The following CNTNAP2 variants were observed in gnomAD, a reference collection of about 807,000 sequenced individuals.
The protein encoded by CNTNAP2 is contactin associated protein 2.
A neutral mutation model predicts 155.2 loss-of-function variants in CNTNAP2; 98 were observed. That is an observed-to-expected ratio of 0.63 (90% CI 0.54 to 0.75). CNTNAP2 has a LOEUF of 0.75. Among genes scored for constraint, CNTNAP2 ranks in the 30% least tolerant of loss-of-function variants. CNTNAP2 has a pLI of 0.00. For synonymous variants in CNTNAP2, 651 were observed against 631.2 expected (o/e 1.03, Z -0.47); for missense variants, 1,727 against 1,688.1 (o/e 1.02, Z -0.40).
At chr7:147,029,789 A>G (rs1027407317) in intron 3 of CNTNAP2, among the ~76,000 whole-genome samples, 12 of 152,170 alleles carry the variant, frequency 7.9e-5, no homozygotes, top group Non-Finnish European at 2.9e-5. Flanking sequence ...CATGGCATAA[A>G]TTTATCCAAC....
chr7:148,337,149 C>T (rs1294779871), intron 21 of CNTNAP2, among the ~76,000 whole-genome samples: 1 of 152,058 alleles, frequency 6.6e-6, no homozygotes, highest in Non-Finnish European at 1.5e-5. Flanking sequence ...CTTCACATTT[C>T]CCCCCATTCC....
At chr7:146,927,654 G>A (rs1463001511) in intron 3 of CNTNAP2, among the ~76,000 whole-genome samples, 2 of 151,786 alleles carry the variant, frequency 1.3e-5, no homozygotes, top group Non-Finnish European at 2.9e-5. Flanking sequence ...ACATTTCTAT[G>A]ACATTTTTAA....
chr7:146,140,524 T>G (rs543382087), intron 1 of CNTNAP2, among the ~76,000 whole-genome samples: 1 of 152,284 alleles, frequency 6.6e-6, no homozygotes, highest in South Asian at 2.1e-4. Context: ...TTCTCATATA[T>G]TAATTCTCAT....
intron 8 of CNTNAP2, among the ~76,000 whole-genome samples, chr7:147,250,732 C>T (rs112018831): frequency 1.3e-5 from 2 of 152,208 alleles, no homozygotes; most frequent in African/African-American, 4.8e-5. Flanking sequence ...CAATGTGGCT[C>T]CTTGTATCAT....
chr7:148,368,566 T>G (rs556309029), intron 21 of CNTNAP2, among the ~76,000 whole-genome samples: 1 of 152,180 alleles, frequency 6.6e-6, no homozygotes, highest in African/African-American at 2.4e-5. Flanking sequence ...GTACCAGCCA[T>G]AGCAAGGTGC....
intron 17 of CNTNAP2, among the ~76,000 whole-genome samples, chr7:148,155,452 A>G (rs1805380986): frequency 1.3e-5 from 2 of 152,094 alleles, no homozygotes; most frequent in African/African-American, 4.8e-5. Flanking sequence ...ACAATGGGAA[A>G]GTTTTTACAA....
intron 12 of CNTNAP2, among the ~76,000 whole-genome samples, chr7:147,576,460 T>G (rs1399418201): frequency 6.6e-6 from 1 of 152,120 alleles, no homozygotes; most frequent in Non-Finnish European, 1.5e-5. Context: ...TGTCCTTGTA[T>G]GGCTGTTTTT....
At chr7:146,663,353 T>C (rs1800129926) in intron 1 of CNTNAP2, among the ~76,000 whole-genome samples, 1 of 151,548 alleles carries the variant, frequency 6.6e-6, no homozygotes, top group Non-Finnish European at 1.5e-5. Context: ...GAGTCCTCCT[T>C]AGTTGTTTCA....
intron 4 of CNTNAP2, among the ~76,000 whole-genome samples, chr7:147,055,067 G>T (rs1404694875): frequency 1.3e-5 from 2 of 152,092 alleles, no homozygotes; most frequent in Non-Finnish European, 2.9e-5. Context: ...AAGAATTAAA[G>T]AAAGCATTCA....
intron 21 of CNTNAP2, among the ~76,000 whole-genome samples, chr7:148,300,842 T>G (rs1374724666): frequency 6.6e-6 from 1 of 152,102 alleles, no homozygotes. Flanking sequence ...GAAAGTCAGA[T>G]GGTGACTGCC....
At chr7:148,145,706 A>G (rs78120618) in intron 16 of CNTNAP2, among the ~76,000 whole-genome samples, 3,656 of 152,322 alleles carry the variant, frequency 0.024, 58 homozygotes, top group Middle Eastern at 0.048. Flanking sequence ...CTGCTGTATC[A>G]GAACTACAGA....
chr7:148,382,355 G>A (rs569594096), intron 21 of CNTNAP2, among the ~76,000 whole-genome samples: 170 of 152,338 alleles, frequency 1.1e-3, no homozygotes, highest in African/African-American at 4.0e-3. Flanking sequence ...TTTAAGAAGT[G>A]TAGACTCCAT....
intron 15 of CNTNAP2, among the ~76,000 whole-genome samples, chr7:147,982,462 G>A (rs1230884772): frequency 6.6e-6 from 1 of 152,170 alleles, no homozygotes; most frequent in Non-Finnish European, 1.5e-5. Context: ...TGCAAATTCA[G>A]TTTCTCAGAG....
chr7:147,128,994 T>C (rs183868390), intron 7 of CNTNAP2, among the ~76,000 whole-genome samples, 158 bp downstream of exon 7: 1 of 152,332 alleles, frequency 6.6e-6, no homozygotes, highest in East Asian at 1.9e-4. Flanking sequence ...AGAATTAGTA[T>C]AGATACTTGC....
intron 8 of CNTNAP2, among the ~76,000 whole-genome samples, chr7:147,140,183 G>A (rs1246626061): frequency 1.3e-5 from 2 of 151,900 alleles, no homozygotes; most frequent in African/African-American, 4.8e-5. Flanking sequence ...AGATACTGAT[G>A]ACCTGCCTAG....
chr7:147,840,657 A>C (rs1798713361), intron 13 of CNTNAP2, among the ~76,000 whole-genome samples: 1 of 152,228 alleles, frequency 6.6e-6, no homozygotes, highest in African/African-American at 2.4e-5. Flanking sequence ...CACTCTGGTC[A>C]CAGTGGAAAG....
intron 1 of CNTNAP2, among the ~76,000 whole-genome samples, chr7:146,680,843 G>A (rs1032268938): frequency 1.3e-5 from 2 of 152,176 alleles, no homozygotes; most frequent in Non-Finnish European, 2.9e-5. Context: ...AGTGACACAA[G>A]CAAAGGCATT....
chr7:147,301,962 T>C (rs1195356966), intron 9 of CNTNAP2, among the ~76,000 whole-genome samples: 1 of 152,122 alleles, frequency 6.6e-6, no homozygotes, highest in Non-Finnish European at 1.5e-5. Context: ...AATCATGAAC[T>C]AGGGCTCTGC....
intron 13 of CNTNAP2, among the ~76,000 whole-genome samples, chr7:147,825,632 G>C (rs1025164394): frequency 6.6e-6 from 1 of 152,080 alleles, no homozygotes; most frequent in African/African-American, 2.4e-5. Flanking sequence ...ACCTGCACTC[G>C]CTGTCTGCAA....
Sources: gnomAD v4.1 joint callset for allele counts (sites outside exome capture counted in the v4.1 genomes callset) on GRCh38, gnomAD v4.1.1 for gene constraint, MANE v1.5 for transcripts, NCBI Gene and HGNC (gene_info 2026-07-23, HGNC 2026-07-21) for gene names.